The following NEGR1 variants were observed in gnomAD, a reference collection of about 807,000 sequenced individuals.
NEGR1 encodes IgLON family member 4.
A neutral mutation model predicts 40.9 loss-of-function variants in NEGR1; 10 were observed. The observed-to-expected ratio is 0.24, with a 90% CI of 0.15 to 0.42. The LOEUF is 0.42. Among genes scored for constraint, NEGR1 ranks in the 10% least tolerant of loss-of-function variants. NEGR1 has a pLI of 1.00. For missense variants in NEGR1, 352 were observed against 438.9 expected (o/e 0.80, Z 1.77); for synonymous variants, 185 against 166.8 (o/e 1.11, Z -0.84).
chr1:71,872,691 T>A (rs1660313244), intron 2 of NEGR1, among the ~76,000 whole-genome samples: 3 of 152,172 alleles, frequency 2.0e-5, no homozygotes, highest in Admixed American at 2.0e-4. Context: ...ACCATATAGT[T>A]TAGCACATTT....
intron 3 of NEGR1, among the ~76,000 whole-genome samples, chr1:71,739,499 AC>A (rs1446657245): frequency 6.6e-6 from 1 of 151,602 alleles, no homozygotes; most frequent in Non-Finnish European, 1.5e-5. Context: ...AAAACAAAAA[AC>A]AAAACAAAAC....
chr1:71,909,546 C>T (rs1361702459), intron 2 of NEGR1, among the ~76,000 whole-genome samples: 2 of 152,130 alleles, frequency 1.3e-5, no homozygotes, highest in African/African-American at 2.4e-5. Flanking sequence ...ATAACAGTGG[C>T]TGGCACTAGT....
At chr1:72,128,977 A>G (rs1324155063) in intron 1 of NEGR1, among the ~76,000 whole-genome samples, 1 of 152,044 alleles carries the variant, frequency 6.6e-6, no homozygotes, top group East Asian at 1.9e-4. Flanking sequence ...TCAGACTTAC[A>G]CCACCAAGTG....
At chr1:71,842,268 G>A (rs1570420468) in intron 2 of NEGR1, among the ~76,000 whole-genome samples, 1 of 152,246 alleles carries the variant, frequency 6.6e-6, no homozygotes, top group Non-Finnish European at 1.5e-5. Flanking sequence ...GGAAGGTTAT[G>A]AAAGTGTCTT....
intron 1 of NEGR1, among the ~76,000 whole-genome samples, chr1:72,163,764 A>AGATAGATT (rs3080237): frequency 0.43 from 61,337 of 143,800 alleles, 14,920 homozygotes; most frequent in East Asian, 0.5. Context: ...ATAGATAGAT[A>AGATAGATT]TAGATTTAGA....
chr1:71,715,609 G>A (rs959546190), intron 3 of NEGR1, among the ~76,000 whole-genome samples: 1 of 152,110 alleles, frequency 6.6e-6, no homozygotes, highest in African/African-American at 2.4e-5. Context: ...TCTTCTGCTA[G>A]ATACCTTAAA....
intron 4 of NEGR1, among the ~76,000 whole-genome samples, chr1:71,655,951 C>T (rs1422745954): frequency 4.6e-5 from 7 of 152,302 alleles, no homozygotes; most frequent in African/African-American, 1.7e-4. Context: ...GCCAGATTCA[C>T]ATTATTACCT....
chr1:72,200,983 C>A (rs1406963247), intron 1 of NEGR1, among the ~76,000 whole-genome samples: 1 of 151,782 alleles, frequency 6.6e-6, no homozygotes, highest in Admixed American at 6.6e-5. Flanking sequence ...TAGTGATAAA[C>A]ATTCTCCTTA....
chr1:71,666,412 T>A (rs1652243245), intron 4 of NEGR1, among the ~76,000 whole-genome samples: 1 of 152,112 alleles, frequency 6.6e-6, no homozygotes, highest in Admixed American at 6.5e-5. Flanking sequence ...AATAGTAAAT[T>A]GTTTTAGAAG....
chr1:71,565,345 T>C (rs540087646), intron 6 of NEGR1, among the ~76,000 whole-genome samples: 1 of 152,324 alleles, frequency 6.6e-6, no homozygotes, highest in South Asian at 2.1e-4. Flanking sequence ...TGCTTCTATG[T>C]ATGTATACAC....
intron 6 of NEGR1, among the ~76,000 whole-genome samples, chr1:71,590,055 T>C (rs1169461573): frequency 6.6e-6 from 1 of 152,068 alleles, no homozygotes; most frequent in African/African-American, 2.4e-5. Flanking sequence ...AACACTAGAG[T>C]GCTTGCCTCT....
chr1:71,756,300 C>T (rs1655729348), intron 3 of NEGR1, among the ~76,000 whole-genome samples: 1 of 150,896 alleles, frequency 6.6e-6, no homozygotes, highest in Non-Finnish European at 1.5e-5. Context: ...TTTTAGTAAA[C>T]TAATCTGTAG....
chr1:71,978,486 T>C (rs971097282), intron 1 of NEGR1, among the ~76,000 whole-genome samples: 8 of 151,870 alleles, frequency 5.3e-5, no homozygotes, highest in African/African-American at 1.7e-4. Flanking sequence ...GGCCCTGAAA[T>C]TGCTACCTAA....
intron 6 of NEGR1, among the ~76,000 whole-genome samples, chr1:71,532,775 A>C (rs1270588482): frequency 6.6e-6 from 1 of 151,536 alleles, no homozygotes; most frequent in Non-Finnish European, 1.5e-5. Flanking sequence ...TGCGGCCCAT[A>C]ATCAACTTGG....
intron 4 of NEGR1, among the ~76,000 whole-genome samples, chr1:71,672,872 C>T (rs1652481784): frequency 6.6e-6 from 1 of 152,110 alleles, no homozygotes; most frequent in South Asian, 2.1e-4. Context: ...GAATCCAGCA[C>T]ACAACACCTA....
chr1:71,676,979 T>G (rs12033251), intron 4 of NEGR1, among the ~76,000 whole-genome samples: 149,733 of 152,270 alleles, frequency 0.98, 73,657 homozygotes, highest in Middle Eastern at 1. Context: ...CAATTAGACA[T>G]ATCACCCTTC....
chr1:72,108,828 C>A (rs1358282988), intron 1 of NEGR1, among the ~76,000 whole-genome samples: 3 of 151,500 alleles, frequency 2.0e-5, no homozygotes, highest in Non-Finnish European at 4.4e-5. Context: ...ATACTTTAAA[C>A]CCCTCTAAGT....
intron 1 of NEGR1, among the ~76,000 whole-genome samples, chr1:72,021,666 T>G (rs941335013): frequency 2.0e-5 from 3 of 151,990 alleles, no homozygotes; most frequent in Non-Finnish European, 4.4e-5. Flanking sequence ...TCAGAAAAAT[T>G]TACTCAAAAA....
At chr1:71,675,169 G>T (rs917826633) in intron 4 of NEGR1, among the ~76,000 whole-genome samples, 14 of 84,544 alleles carry the variant, frequency 1.7e-4, no homozygotes, top group African/African-American at 4.8e-4. Context: ...TTTAAAGCAG[G>T]TGTTAGCATG....
Sources: allele counts gnomAD v4.1 joint callset (sites outside exome capture counted in the v4.1 genomes callset), GRCh38; gene constraint gnomAD v4.1.1; transcripts MANE v1.5; gene names NCBI Gene and HGNC (gene_info 2026-07-23, HGNC 2026-07-21).